RPL28: variants seen among roughly 807,000 people sequenced by gnomAD.
RPL28 encodes ribosomal protein L28, also known as large ribosomal subunit protein eL28.
In RPL28, 4 loss-of-function variants were observed where a neutral mutation model predicts 12.5. That is an observed-to-expected ratio of 0.32 (90% CI 0.16 to 0.73). The LOEUF is 0.73. Among genes scored for constraint, RPL28 ranks in the 30% least tolerant of loss-of-function variants. The pLI, the probability that RPL28 is intolerant of heterozygous loss-of-function variation, is 0.66. For missense variants in RPL28, 214 were observed against 197.7 expected (o/e 1.08, Z -0.49); for synonymous variants, 91 against 72.5 (o/e 1.26, Z -1.30).
chr19:55,403,136 C>A (rs909443933), exon 5 of RPL28: 3 of 759,162 alleles, frequency 4.0e-6, no homozygotes, highest in Admixed American at 2.0e-5. Context: ...TTGTGACAAC[C>A]CTTTCTGGTC....
At position 55,387,922 on chromosome 19, in the gene RPL28, C is replaced by G; in HGVS notation, c.206-8C>G. On this transcript the variant is annotated splice_polypyrimidine_tract_variant and splice_region_variant and intron_variant, in intron 3 of 4. Transcript: ENST00000344063. ...ACTGACCCCAGGACCTCCCTGACCCCCAACCAGGCCAGCGGAAGCCTGCCA... is the reference window on the plus strand; with the variant it reads ...ACTGACCCCAGGACCTCCCTGACCCGCAACCAGGCCAGCGGAAGCCTGCCA... The G allele has an allele frequency of 6.4e-7, 1 of 1,558,652 alleles. No individual in the cohort carries two copies. Among genetic ancestry groups the G allele is most frequent in the East Asian group, 2.3e-5 (1 of 44,086 alleles).
In RPL28 at chr19:55,389,100, C is replaced by G; in HGVS notation, c.*768C>G. On this transcript the variant is annotated 3_prime_UTR_variant, in exon 5 of 5. Coordinates refer to ENST00000344063, the MANE Select transcript of RPL28 (RefSeq NM_000991.5). ...TCCTGATTGCCCAGCCCTCTTGTTTCCTTTGGCCTGTTTGCTCCCTAGTGT... is the reference window on the plus strand; with the variant it reads ...TCCTGATTGCCCAGCCCTCTTGTTTGCTTTGGCCTGTTTGCTCCCTAGTGT... The G allele has an allele frequency of 3.0e-6, 3 of 985,540 alleles. No individual in the cohort carries two copies. The highest frequency in any genetic ancestry group is 2.4e-6 in the Non-Finnish European group (2 of 830,020). The allele number at this position is 985,540 out of a possible 1,614,324, so 61.0% of individuals were successfully genotyped here.
chr19:55,387,559 C>T, intron 3 of RPL28: 5 of 1,428,658 alleles, frequency 3.5e-6, no homozygotes, highest in Non-Finnish European at 4.6e-6. Context: ...GATGTTGAAC[C>T]ACTGCTGTGG....
chr19:55,396,299 C>G (rs76752891), downstream of RPL28, among the ~76,000 whole-genome samples: 6,183 of 151,236 alleles, frequency 0.041, 156 homozygotes, highest in Non-Finnish European at 0.057. Context: ...ATTAAAAATT[C>G]TGAAATACAG....
chr19:55,390,308 G>C lies in RPL28; in HGVS notation c.*1976G>C, dbSNP rs981807952. 1 of 762,394 alleles carries C rather than the reference G, an allele frequency of 1.3e-6. No homozygotes were observed. The highest frequency in any genetic ancestry group is 5.9e-5 in the South Asian group (1 of 16,844). The allele number at this position is 762,394 out of a possible 1,614,324, so 47.2% of individuals were successfully genotyped here. A position where few individuals can be genotyped will look rare whatever the true frequency, so the allele number is the denominator to read the frequency against. On this transcript the variant is annotated 3_prime_UTR_variant, in exon 5 of 5. Coordinates refer to ENST00000344063, the MANE Select transcript of RPL28 (RefSeq NM_000991.5). ...CAGCCTCCACCTCCTGGGTTCAAGC[G>C]ATTCTCCTGCCTCAGCCTCCCGAGT...
chr19:55,401,823 C>T, intron 4 of RPL28: 1 of 1,583,810 alleles, frequency 6.3e-7, no homozygotes, highest in East Asian at 2.2e-5. Context: ...CCCAGGCCTC[C>T]ACAAGAGGGT....
intron 4 of RPL28, 38 bp from the exon 5 acceptor site, chr19:55,388,205 T>G (rs1401697504): frequency 1.3e-6 from 2 of 1,513,026 alleles, no homozygotes; most frequent in Non-Finnish European, 1.8e-6. Flanking sequence ...GCTTGTGGAG[T>G]GTATGGGCTG....
chr19:55,393,130 C>T (rs528330684), downstream of RPL28, among the ~76,000 whole-genome samples: 7 of 142,138 alleles, frequency 4.9e-5, no homozygotes, highest in South Asian at 4.8e-4. Flanking sequence ...CAGCTCCCAC[C>T]GGCCTCCCAC....
chr19:55,401,143 G>A (rs2090054435), intron 4 of RPL28: 1 of 480,172 alleles, frequency 2.1e-6, no homozygotes. Context: ...ACCTCAAACA[G>A]CAAGGCTGGT....
chr19:55,386,065 T>C, intron 1 of RPL28, 100 bp downstream of exon 1: 1 of 408,944 alleles, frequency 2.4e-6, no homozygotes, highest in South Asian at 2.4e-5. Context: ...CAAGGGTCAT[T>C]GGCGGACCCC....
rs11540466 is a variant in RPL28, at chr19:55,390,249, C to T, written c.*1917C>T. Reference sequence around the variant, plus strand: ...ATGGAGTCTCGCTCTGTTGCCCAGGCTGGCGAGTGCAATGGCGCGATCTTG... The same window carrying T: ...ATGGAGTCTCGCTCTGTTGCCCAGGTTGGCGAGTGCAATGGCGCGATCTTG... On this transcript the variant is annotated 3_prime_UTR_variant, in exon 5 of 5. Transcript: ENST00000344063. 0.053 allele frequency: 51,113 copies of T among 971,396 alleles called. 1,392 individuals are homozygous for T. Among genetic ancestry groups the T allele is most frequent in the Middle Eastern group, 0.068 (128 of 1,884 alleles). 60.2% of individuals were successfully genotyped at this position (971,396 alleles called of 1,614,324 possible). A position where few individuals can be genotyped will look rare whatever the true frequency, so the allele number is the denominator to read the frequency against.
intron 3 of RPL28, 24 bp from the exon 4 acceptor site, chr19:55,387,906 A>C: frequency 6.5e-7 from 1 of 1,543,166 alleles, no homozygotes. Flanking sequence ...GACTGACCCC[A>C]GGACCTCCCT....
In RPL28 at chr19:55,391,601, G is replaced by A; in HGVS notation, c.*3269G>A. ...CAGGGCTCTGCTGCTCGGTGGCTGT[G>A]CAACCTTGGGCAAGTTCCTCAACCT... On this transcript the variant is annotated 3_prime_UTR_variant, in exon 5 of 5. Coordinates refer to ENST00000344063, the MANE Select transcript of RPL28 (RefSeq NM_000991.5). 1.3e-6 allele frequency: 2 copies of A among 1,548,584 alleles called. No individual in the cohort carries two copies. The highest frequency in any genetic ancestry group is 1.7e-6 in the Non-Finnish European group (2 of 1,144,330).
intron 4 of RPL28, among the ~76,000 whole-genome samples, chr19:55,399,447 G>A (rs886903297): frequency 6.6e-6 from 1 of 152,190 alleles, no homozygotes; most frequent in South Asian, 2.1e-4. Flanking sequence ...GATTACAGGC[G>A]TGAGCCACCC....
chr19:55,395,978 G>T (rs2090020149), downstream of RPL28, among the ~76,000 whole-genome samples: 1 of 151,942 alleles, frequency 6.6e-6, no homozygotes, highest in South Asian at 2.1e-4. Flanking sequence ...TTGCTTTTTT[G>T]ACTTAACAGT....
chr19:55,387,081 G>A (rs1443870151), intron 3 of RPL28: 82 of 1,420,416 alleles, frequency 5.8e-5, no homozygotes, highest in Non-Finnish European at 6.9e-5. Flanking sequence ...CTTAGGAGGG[G>A]ACAGGCTGGG....
chr19:55,401,866 A>G, intron 4 of RPL28: 2 of 1,237,742 alleles, frequency 1.6e-6, no homozygotes, highest in Non-Finnish European at 2.3e-6. Context: ...TCTGCTCCCA[A>G]CTCAGCTGCA....
Position 55,389,639 on chromosome 19 carries a change from CTCAGT to C in RPL28, c.*1308_*1312del. ...TGAGGCAGACCACTGCCCTTCCGACCTCAGTCCTGTCTGCTCCAGTCTTGCCCAGC... is the reference window on the plus strand; with the variant it reads ...TGAGGCAGACCACTGCCCTTCCGACCCCTGTCTGCTCCAGTCTTGCCCAGC... On this transcript the variant is annotated 3_prime_UTR_variant, in exon 5 of 5. Coordinates refer to ENST00000344063, the MANE Select transcript of RPL28 (RefSeq NM_000991.5). The C allele has an allele frequency of 4.1e-6, 4 of 985,536 alleles. No individual in the cohort carries two copies. The highest frequency in any genetic ancestry group is 4.8e-6 in the Non-Finnish European group (4 of 829,992). 61.0% of individuals were successfully genotyped at this position (985,536 alleles called of 1,614,324 possible). A position where few individuals can be genotyped will look rare whatever the true frequency, so the allele number is the denominator to read the frequency against.
chr19:55,395,282 A>T (rs1342734171), downstream of RPL28, among the ~76,000 whole-genome samples: 1 of 151,310 alleles, frequency 6.6e-6, no homozygotes, highest in East Asian at 2.0e-4. Context: ...GATTACAGGC[A>T]TGCGCCACCA....
Sources: gnomAD v4.1 joint callset for allele counts (sites outside exome capture counted in the v4.1 genomes callset) on GRCh38, gnomAD v4.1.1 for gene constraint, MANE v1.5 for transcripts, NCBI Gene and HGNC (gene_info 2026-07-23, HGNC 2026-07-21) for gene names.